CHODL: variants seen among roughly 807,000 people sequenced by gnomAD.
The protein encoded by CHODL is transmembrane protein MT75.
Under a neutral mutation model 34.5 loss-of-function variants are expected in CHODL, and 29 were observed. That is an observed-to-expected ratio of 0.84 (90% CI 0.63 to 1.15). CHODL has a LOEUF of 1.15. CHODL is among the 50% of genes most tolerant of loss of function. The probability of loss-of-function intolerance (pLI) is 0.00; values close to 1 mark genes in which losing one functional copy is unlikely to be tolerated. For synonymous variants in CHODL, 125 were observed against 116.1 expected, an observed-to-expected ratio of 1.08 and a Z score of -0.49; for missense variants, 332 against 332.5, an observed-to-expected ratio of 1.00 and a Z score of 0.01.
intron 2 of CHODL, among the ~76,000 whole-genome samples, chr21:18,061,992 T>C (rs192195562): frequency 3.7e-4 from 56 of 152,288 alleles, no homozygotes; most frequent in African/African-American, 1.3e-3. Context: ...CATTGTATTG[T>C]TTGCAATTGA....
intron 2 of CHODL, among the ~76,000 whole-genome samples, chr21:18,182,266 C>G (rs528408950): frequency 6.6e-6 from 1 of 152,110 alleles, no homozygotes; most frequent in African/African-American, 2.4e-5. Flanking sequence ...GAGGTTCAGA[C>G]AATTTAAGAT....
intron 1 of CHODL, among the ~76,000 whole-genome samples, chr21:17,986,627 G>A (rs937573439): frequency 5.9e-5 from 9 of 152,168 alleles, no homozygotes; most frequent in African/African-American, 2.2e-4. Flanking sequence ...GTAAACATAC[G>A]TGTGCATGTG....
At chr21:18,240,926 A>G (rs531317851), upstream of CHODL, among the ~76,000 whole-genome samples, 123 of 152,302 alleles carry the variant, frequency 8.1e-4, no homozygotes, top group South Asian at 1.9e-3. Context: ...AATCATGTGT[A>G]TTAATGTGTA....
chr21:18,011,482 A>G (rs2064019560), intron 1 of CHODL, among the ~76,000 whole-genome samples: 1 of 152,238 alleles, frequency 6.6e-6, no homozygotes, highest in African/African-American at 2.4e-5. Flanking sequence ...GGGAAAGAAT[A>G]TAAAGTATAA....
intron 2 of CHODL, among the ~76,000 whole-genome samples, chr21:18,082,059 A>G (rs1274503500): frequency 6.6e-6 from 1 of 152,096 alleles, no homozygotes; most frequent in Non-Finnish European, 1.5e-5. Flanking sequence ...ATCTCATCTG[A>G]ATTTGTAATT....
At chr21:18,091,784 T>TA (rs2065077025) in intron 2 of CHODL, among the ~76,000 whole-genome samples, 1 of 152,128 alleles carries the variant, frequency 6.6e-6, no homozygotes. Context: ...CCTTGGGCTT[T>TA]AAGCAAACAT....
At chr21:18,184,765 C>A (rs2073421491) in intron 2 of CHODL, among the ~76,000 whole-genome samples, 1 of 152,154 alleles carries the variant, frequency 6.6e-6, no homozygotes. Context: ...CAACTGGAGA[C>A]AGGGATTTTC....
At position 17,958,762 on chromosome 21, in the gene CHODL, T is replaced by C. The variant is rs1014795262; in HGVS notation, c.-145+41362T>C. Among the ~76,000 whole-genome samples the C allele has an allele frequency of 2.0e-5, 3 of 152,208 alleles. No individual in the cohort carries two copies. The South Asian group carries it at 6.2e-4, about 32-fold the overall frequency. On this transcript the variant is annotated intron_variant, in intron 1 of 6. Transcript: ENST00000400127. ...AGCAGTACAACAAAGGCAGGTTTAC[T>C]TTGCAGTAAGCCTTTGATAATAGAA...
At chr21:18,074,604 TGTG>T (rs2064843747) in intron 2 of CHODL, among the ~76,000 whole-genome samples, 1 of 152,160 alleles carries the variant, frequency 6.6e-6, no homozygotes, top group African/African-American at 2.4e-5. Flanking sequence ...AAGAGGAACT[TGTG>T]GTGGGCTGTC....
chr21:18,091,072 A>G (rs1268471706), intron 2 of CHODL, among the ~76,000 whole-genome samples: 1 of 152,174 alleles, frequency 6.6e-6, no homozygotes, highest in Non-Finnish European at 1.5e-5. Context: ...GGGACTTTGC[A>G]TTGATCTCAA....
At chr21:18,232,695 A>G (rs2073991050) in intron 2 of CHODL, among the ~76,000 whole-genome samples, 1 of 151,880 alleles carries the variant, frequency 6.6e-6, no homozygotes, top group South Asian at 2.1e-4. Context: ...CACCTTTGGG[A>G]AACATTGGTT....
At chr21:17,926,028 T>A (rs753125073) in intron 1 of CHODL, among the ~76,000 whole-genome samples, 11 of 152,204 alleles carry the variant, frequency 7.2e-5, no homozygotes, top group Non-Finnish European at 1.3e-4. Flanking sequence ...CCAATAAGCA[T>A]AATGAGAACA....
chr21:18,106,391 A>G (rs2223076), intron 2 of CHODL, among the ~76,000 whole-genome samples: 152,312 of 152,312 alleles, frequency 1, 76,156 homozygotes, highest in Non-Finnish European at 1. Flanking sequence ...TCGGTCACCA[A>G]ATAGCTCAGT....
At position 18,256,559 on chromosome 21, in the gene CHODL, T is replaced by A. The variant is rs2074317447; in HGVS notation, c.130T>A (p.Tyr44Asn). Residue 44 changes from tyrosine to asparagine, a missense_variant, in exon 2 of 6, where the codon TAC becomes AAC. Coordinates refer to ENST00000299295, the MANE Select transcript of CHODL (RefSeq NM_024944.3). ...DFKHPCYKMA[Y>N]FHELSSRVSF... ...CAAGCATCCCTGCTACAAAATGGCC[T>A]ACTTCCATGAACTGTCCAGCCGAGT... is the stretch of plus-strand genomic sequence containing the variant. 1.2e-6 allele frequency: 2 copies of A among 1,613,862 alleles called. No homozygotes were observed. The highest frequency in any genetic ancestry group is 1.3e-5 in the African/African-American group (1 of 74,994).
chr21:18,032,483 A>G (rs1209476883), intron 2 of CHODL, among the ~76,000 whole-genome samples: 1 of 152,046 alleles, frequency 6.6e-6, no homozygotes, highest in Non-Finnish European at 1.5e-5. Context: ...TTAGTGCCAC[A>G]ATACAATATT....
At chr21:18,074,568 G>T (rs1052744403) in intron 2 of CHODL, among the ~76,000 whole-genome samples, 1 of 152,062 alleles carries the variant, frequency 6.6e-6, no homozygotes, top group Admixed American at 6.6e-5. Flanking sequence ...AAAAGTTTTC[G>T]CTTGACTAAT....
chr21:18,124,277 C>T (rs994233150), intron 2 of CHODL, among the ~76,000 whole-genome samples: 1 of 152,108 alleles, frequency 6.6e-6, no homozygotes, highest in African/African-American at 2.4e-5. Flanking sequence ...AAGTGGGAAT[C>T]GCTCCCTCAT....
chr21:18,251,473 T>TTATTTATTTTAATATATAAAATAAA lies in CHODL; in HGVS notation c.80-5012_80-4988dup, dbSNP rs1245808247. ...TACATATTTATTTTATTTATTTTAA[T>TTATTTATTTTAATATATAAAATAAA]TATTTATTTTAATATATAAAATAAA... is the stretch of plus-strand genomic sequence containing the variant. On this transcript the variant is annotated intron_variant, in intron 1 of 5. Transcript: ENST00000299295. Among the ~76,000 whole-genome samples the TTATTTATTTTAATATATAAAATAAA allele has an allele frequency of 4.5e-4, 2 of 4,414 alleles. 1 individual carries two copies. Among genetic ancestry groups the TTATTTATTTTAATATATAAAATAAA allele is most frequent in the African/African-American group, 1.5e-3 (2 of 1,368 alleles). 2.9% of individuals were successfully genotyped at this position (4,414 alleles called of 152,430 possible).
intron 1 of CHODL, among the ~76,000 whole-genome samples, chr21:18,015,079 A>G (rs1284888192): frequency 6.6e-6 from 1 of 152,182 alleles, no homozygotes; most frequent in Non-Finnish European, 1.5e-5. Context: ...GCTGATAGTG[A>G]CATGGACAAT....
Sources: gnomAD v4.1 joint callset for allele counts (sites outside exome capture counted in the v4.1 genomes callset) on GRCh38, gnomAD v4.1.1 for gene constraint, MANE v1.5 for transcripts, NCBI Gene and HGNC (gene_info 2026-07-23, HGNC 2026-07-21) for gene names.